Variants in JAZF1 observed in about 807,000 individuals in gnomAD.
The protein encoded by JAZF1 is juxtaposed with another zinc finger protein 1.
A neutral mutation model predicts 26.4 loss-of-function variants in JAZF1; 8 were observed. That is an observed-to-expected ratio of 0.30 (90% CI 0.18 to 0.55). The LOEUF is 0.55. Ranked by LOEUF, JAZF1 falls within the 20% of genes least tolerant of loss-of-function variation. JAZF1 has a pLI of 0.94. For missense variants in JAZF1, 199 were observed against 322.0 expected, an observed-to-expected ratio of 0.62 and a Z score of 2.92; for synonymous variants, 126 against 122.3, an observed-to-expected ratio of 1.03 and a Z score of -0.20.
At chr7:27,833,097 TGC>T (rs1782739936) in intron 4 of JAZF1, 121 bp from the exon 5 acceptor site, 5 of 685,550 alleles carry the variant, frequency 7.3e-6, no homozygotes, top group Middle Eastern at 4.2e-4. Context: ...TGTAGTCTTT[TGC>T]AAGGACTCCA....
intron 1 of JAZF1, among the ~76,000 whole-genome samples, chr7:28,074,823 CA>C (rs1166005907): frequency 1.3e-5 from 2 of 152,066 alleles, no homozygotes; most frequent in African/African-American, 4.8e-5. Context: ...CATTTTAGGA[CA>C]AAGACTTCCA....
At chr7:27,985,593 A>C (rs1449842205) in intron 2 of JAZF1, among the ~76,000 whole-genome samples, 1 of 152,240 alleles carries the variant, frequency 6.6e-6, no homozygotes, top group African/African-American at 2.4e-5. Context: ...ATCCTCCCTA[A>C]TTCATTTTAT....
chr7:27,832,566 G>T lies in JAZF1; in HGVS notation c.*234C>A. The stretch of plus-strand genomic sequence containing the variant: ...TGCTGAAGAACCTAGAGCTTTTTTT[G>T]TTTAGCACCTTATATCAAAGTAATG... On this transcript the variant is annotated 3_prime_UTR_variant, in exon 5 of 5. Transcript: ENST00000283928. 3.1e-6 allele frequency: 1 copy of T among 325,330 alleles called. No homozygotes were observed. Among genetic ancestry groups the T allele is most frequent in the African/African-American group, 2.1e-5 (1 of 47,670 alleles). The allele number at this position is 325,330 out of a possible 1,614,324, so 20.2% of individuals were successfully genotyped here.
intron 1 of JAZF1, among the ~76,000 whole-genome samples, chr7:27,999,597 T>C (rs1339408225): frequency 1.3e-5 from 2 of 152,186 alleles, no homozygotes; most frequent in African/African-American, 4.8e-5. Flanking sequence ...CATATAGTAC[T>C]TTCAGCATGC....
chr7:28,004,017 C>CTGTTT (rs1782654609), intron 1 of JAZF1, among the ~76,000 whole-genome samples: 1 of 152,150 alleles, frequency 6.6e-6, no homozygotes, highest in African/African-American at 2.4e-5. Flanking sequence ...CCACCCCTGC[C>CTGTTT]AACACACATA....
intron 1 of JAZF1, among the ~76,000 whole-genome samples, chr7:28,147,310 A>G (rs926790230): frequency 3.9e-5 from 6 of 152,042 alleles, no homozygotes; most frequent in Admixed American, 3.3e-4. Flanking sequence ...TGGATTTCAG[A>G]TTTTCCAATC....
intron 2 of JAZF1, among the ~76,000 whole-genome samples, chr7:27,942,287 G>A (rs941312811): frequency 2.0e-5 from 3 of 152,220 alleles, no homozygotes; most frequent in African/African-American, 7.2e-5. Context: ...CAGAACTGAT[G>A]AGAACACAGC....
At chr7:27,927,370 C>T (rs757910539) in intron 2 of JAZF1, among the ~76,000 whole-genome samples, 2 of 152,198 alleles carry the variant, frequency 1.3e-5, no homozygotes, top group East Asian at 3.8e-4. Context: ...GGCTGCGAAA[C>T]CTTTCTGCTG....
At chr7:27,858,367 A>T (rs1783310128) in intron 3 of JAZF1, among the ~76,000 whole-genome samples, 1 of 152,232 alleles carries the variant, frequency 6.6e-6, no homozygotes, top group South Asian at 2.1e-4. Flanking sequence ...TCTTCACATA[A>T]TTAGAAAAAA....
At chr7:27,880,581 C>G (rs1001369987) in intron 3 of JAZF1, among the ~76,000 whole-genome samples, 1 of 151,818 alleles carries the variant, frequency 6.6e-6, no homozygotes, top group Non-Finnish European at 1.5e-5. Flanking sequence ...TGCAGTGAGC[C>G]GAGATCATGC....
chr7:28,141,829 TA>T (rs772121394), intron 1 of JAZF1, among the ~76,000 whole-genome samples: 5 of 152,198 alleles, frequency 3.3e-5, no homozygotes, highest in Non-Finnish European at 5.9e-5. Flanking sequence ...CCTACATGTT[TA>T]AAATGAAAAA....
At position 28,108,366 on chromosome 7, in the gene JAZF1, A is replaced by G. The variant is rs143308692; in HGVS notation, c.115+72097T>C. Among the ~76,000 whole-genome samples the G allele has an allele frequency of 4.5e-3, 679 of 152,290 alleles. 2 individuals are homozygous for G. Among genetic ancestry groups the G allele is most frequent in the Non-Finnish European group, 7.3e-3 (495 of 68,020 alleles). ...CTAGTTTCAAATGAGGAGCCTCGTC[A>G]TGGTGCTCCTATTATTACATTTTGG... On this transcript the variant is annotated intron_variant, in intron 1 of 4. Coordinates refer to ENST00000283928, the MANE Select transcript of JAZF1 (RefSeq NM_175061.4).
intron 1 of JAZF1, among the ~76,000 whole-genome samples, chr7:28,104,387 T>A (rs1784520602): frequency 6.6e-6 from 1 of 152,216 alleles, no homozygotes; most frequent in Admixed American, 6.5e-5. Context: ...ATTGTATCCT[T>A]TGTACCTAGG....
intron 2 of JAZF1, among the ~76,000 whole-genome samples, chr7:27,988,504 T>C (rs989272356): frequency 3.3e-5 from 5 of 151,946 alleles, no homozygotes; most frequent in African/African-American, 9.7e-5. Context: ...CCTCCCCGTG[T>C]AGCTGGGGAT....
At position 27,987,384 on chromosome 7, in the gene JAZF1, G is replaced by T. The variant is rs533856241; in HGVS notation, c.188+4525C>A. ...AGGTGAGGAGCGTCTCTGCCCGGCC[G>T]CCCCGTCTGAGAAGTGAGGAGCCCC... On this transcript the variant is annotated intron_variant, in intron 2 of 4. Transcript: ENST00000283928. Among the ~76,000 whole-genome samples the T allele has an allele frequency of 2.0e-5, 3 of 151,208 alleles. No individual in the cohort carries two copies. The East Asian group carries it at 5.9e-4, about 30-fold the overall frequency.
intron 1 of JAZF1, among the ~76,000 whole-genome samples, chr7:28,067,308 C>A (rs1783899004): frequency 6.6e-6 from 1 of 152,196 alleles, no homozygotes; most frequent in Non-Finnish European, 1.5e-5. Flanking sequence ...CAGACATCAA[C>A]AGGGATGAGT....
At chr7:27,926,268 C>T (rs1157918333) in intron 2 of JAZF1, among the ~76,000 whole-genome samples, 1 of 152,192 alleles carries the variant, frequency 6.6e-6, no homozygotes, top group African/African-American at 2.4e-5. Flanking sequence ...TAAGGATCTA[C>T]CATGGTGTGA....
At chr7:27,999,754 T>G (rs1017148426) in intron 1 of JAZF1, among the ~76,000 whole-genome samples, 1 of 152,194 alleles carries the variant, frequency 6.6e-6, no homozygotes, top group Non-Finnish European at 1.5e-5. Context: ...AATACATGAA[T>G]GAATGCCCTG....
At chr7:27,973,126 T>TTAGGGAGAGAGGAGAGAAGC (rs1021552013) in intron 2 of JAZF1, among the ~76,000 whole-genome samples, 9 of 152,180 alleles carry the variant, frequency 5.9e-5, no homozygotes, top group Admixed American at 6.5e-5. Flanking sequence ...GGGTGGGGTG[T>TTAGGGAGAGAGGAGAGAAGC]TAGGGAGAGA....
Sources: allele counts gnomAD v4.1 joint callset (sites outside exome capture counted in the v4.1 genomes callset), GRCh38; gene constraint gnomAD v4.1.1; transcripts MANE v1.5; gene names NCBI Gene and HGNC (gene_info 2026-07-23, HGNC 2026-07-21).